Variants in DPYD observed in about 807,000 individuals in gnomAD.
DPYD encodes the protein dihydropyrimidine dehydrogenase [NADP(+)].
A neutral mutation model predicts 116.2 loss-of-function variants in DPYD; 109 were observed. That is an observed-to-expected ratio of 0.94 (90% confidence interval 0.80 to 1.10). DPYD has a LOEUF of 1.10. Among genes scored for constraint, DPYD ranks in the 50% least tolerant of loss-of-function variants. DPYD has a pLI of 0.00. For missense variants in DPYD, 1,302 were observed against 1,254.5 expected, an observed-to-expected ratio of 1.04 and a Z score of -0.57; for synonymous variants, 440 against 432.0, an observed-to-expected ratio of 1.02 and a Z score of -0.23.
At chr1:97,735,984 AG>A (rs2101059277) in intron 4 of DPYD, among the ~76,000 whole-genome samples, 1 of 152,144 alleles carries the variant, frequency 6.6e-6, no homozygotes, top group Non-Finnish European at 1.5e-5. Context: ...CAAAGTAAAA[AG>A]ATTTAACATG....
chr1:97,123,948 G>T (rs1187939154), intron 20 of DPYD, among the ~76,000 whole-genome samples: 1 of 151,992 alleles, frequency 6.6e-6, no homozygotes, highest in African/African-American at 2.4e-5. Flanking sequence ...AATGAATCTG[G>T]GTCCCTGCCA....
At chr1:97,358,245 G>A (rs1175958354) in intron 16 of DPYD, among the ~76,000 whole-genome samples, 1 of 152,228 alleles carries the variant, frequency 6.6e-6, no homozygotes, top group Admixed American at 6.5e-5. Context: ...AGCCTGGCAG[G>A]TGGAGGGGCA....
At chr1:97,092,806 T>C (rs1235468497) in intron 21 of DPYD, among the ~76,000 whole-genome samples, 1 of 150,884 alleles carries the variant, frequency 6.6e-6, no homozygotes, top group African/African-American at 2.4e-5. Flanking sequence ...TCTTTATCTC[T>C]GTGGAACCAT....
At chr1:97,295,233 A>G (rs1397625602) in intron 18 of DPYD, among the ~76,000 whole-genome samples, 2 of 152,140 alleles carry the variant, frequency 1.3e-5, no homozygotes, top group African/African-American at 4.8e-5. Context: ...AGTGTTCAAT[A>G]AAGTTCTGGG....
At chr1:97,438,389 T>A (rs910692318) in intron 14 of DPYD, among the ~76,000 whole-genome samples, 1 of 152,072 alleles carries the variant, frequency 6.6e-6, no homozygotes, top group African/African-American at 2.4e-5. Context: ...GTCTTTAATT[T>A]CTCTCAGAAA....
intron 3 of DPYD, among the ~76,000 whole-genome samples, chr1:97,795,759 TA>T (rs1667541117): frequency 1.3e-5 from 2 of 151,876 alleles, no homozygotes; most frequent in Admixed American, 1.3e-4. Flanking sequence ...ATAAAAACAA[TA>T]AAAAATATGA....
intron 16 of DPYD, among the ~76,000 whole-genome samples, chr1:97,359,881 T>C (rs565201677): frequency 6.6e-6 from 1 of 152,272 alleles, no homozygotes; most frequent in South Asian, 2.1e-4. Flanking sequence ...CCATCAATGC[T>C]AGGAAGAAAC....
intron 2 of DPYD, among the ~76,000 whole-genome samples, chr1:97,832,536 C>T (rs760101717): frequency 3.3e-5 from 5 of 152,226 alleles, no homozygotes; most frequent in Admixed American, 6.5e-5. Context: ...CCAATATACA[C>T]ATTTAGGCCA....
chr1:97,079,234 A>G (rs1648990472), intron 22 of DPYD, 88 bp from the exon 23 acceptor site: 1 of 1,417,822 alleles, frequency 7.1e-7, no homozygotes, highest in Admixed American at 1.7e-5. Context: ...TCTCTGCTGC[A>G]GAGGAGCCAC....
At chr1:97,427,284 C>A (rs1017464241) in intron 14 of DPYD, among the ~76,000 whole-genome samples, 4 of 151,892 alleles carry the variant, frequency 2.6e-5, no homozygotes, top group South Asian at 2.1e-4. Context: ...AAAGATCAGA[C>A]AAAAATGACC....
intron 1 of DPYD, among the ~76,000 whole-genome samples, chr1:97,889,024 G>A (rs529440298): frequency 3.3e-5 from 5 of 152,094 alleles, no homozygotes; most frequent in South Asian, 2.1e-4. Context: ...AGGCATGGTC[G>A]TGGGTGCCTG....
At chr1:97,456,460 A>G (rs1055250579) in intron 13 of DPYD, among the ~76,000 whole-genome samples, 1 of 152,048 alleles carries the variant, frequency 6.6e-6, no homozygotes, top group Non-Finnish European at 1.5e-5. Flanking sequence ...GTCTCAGTTC[A>G]TATGATAGAA....
At chr1:97,793,210 T>G (rs1356056583) in intron 3 of DPYD, among the ~76,000 whole-genome samples, 2 of 152,134 alleles carry the variant, frequency 1.3e-5, no homozygotes, top group African/African-American at 2.4e-5. Flanking sequence ...AGAAAAAAAT[T>G]TAAAGTCCTT....
At chr1:97,609,758 T>G (rs964076286) in intron 8 of DPYD, among the ~76,000 whole-genome samples, 7 of 151,998 alleles carry the variant, frequency 4.6e-5, no homozygotes, top group Non-Finnish European at 8.8e-5. Flanking sequence ...TAACCTAGTC[T>G]GAAAATTTGG....
chr1:97,256,882 G>A (rs995969508), intron 18 of DPYD, among the ~76,000 whole-genome samples: 6 of 152,058 alleles, frequency 3.9e-5, no homozygotes, highest in African/African-American at 9.6e-5. Context: ...AAATCATGTA[G>A]TCTATCTGTA....
intron 19 of DPYD, among the ~76,000 whole-genome samples, chr1:97,226,364 C>T (rs1484414993): frequency 6.6e-6 from 1 of 152,028 alleles, no homozygotes; most frequent in African/African-American, 2.4e-5. Flanking sequence ...TTTTACTCCA[C>T]ATAGTACTGG....
chr1:97,715,837 A>G (rs1662582399), intron 5 of DPYD, among the ~76,000 whole-genome samples: 1 of 152,082 alleles, frequency 6.6e-6, no homozygotes. Context: ...TTTATCACAG[A>G]AATACATTAT....
chr1:97,120,888 G>A (rs1430380245), intron 20 of DPYD, among the ~76,000 whole-genome samples: 1 of 152,192 alleles, frequency 6.6e-6, no homozygotes, highest in Non-Finnish European at 1.5e-5. Flanking sequence ...AAAATGGAAT[G>A]CCAAGTGTCT....
chr1:97,222,985 A>G (rs982480318), intron 19 of DPYD, among the ~76,000 whole-genome samples: 1 of 152,022 alleles, frequency 6.6e-6, no homozygotes, highest in African/African-American at 2.4e-5. Flanking sequence ...GAAAATTTGT[A>G]ATATAGGGTG....
Sources: gnomAD v4.1 joint callset for allele counts (sites outside exome capture counted in the v4.1 genomes callset) on GRCh38, gnomAD v4.1.1 for gene constraint, MANE v1.5 for transcripts, NCBI Gene and HGNC (gene_info 2026-07-23, HGNC 2026-07-21) for gene names.